The following AGXT2 variants were observed in gnomAD, a reference collection of about 807,000 sequenced individuals.
AGXT2 encodes the protein alanine--glyoxylate aminotransferase 2.
A neutral mutation model predicts 62.5 loss-of-function variants in AGXT2; 61 were observed. The observed-to-expected ratio is 0.98, with a 90% CI of 0.79 to 1.21. The LOEUF (loss-of-function observed/expected upper bound fraction) is 1.21, where lower values mean the gene tolerates loss of function less well. Among genes scored for constraint, AGXT2 ranks in the 50% most tolerant of loss-of-function variants. The pLI, the probability that AGXT2 is intolerant of heterozygous loss-of-function variation, is 0.00. For missense variants in AGXT2, 666 were observed against 641.5 expected (o/e 1.04, Z -0.41); for synonymous variants, 243 against 218.7 (o/e 1.11, Z -0.98).
intron 1 of AGXT2, among the ~76,000 whole-genome samples, chr5:35,043,268 C>T (rs1768055574): frequency 6.6e-6 from 1 of 152,004 alleles, no homozygotes; most frequent in Non-Finnish European, 1.5e-5. Context: ...GTTTTCAGCC[C>T]AGAGGGAGTA....
intron 12 of AGXT2, among the ~76,000 whole-genome samples, chr5:35,005,412 A>G (rs1766384791): frequency 6.6e-6 from 1 of 152,070 alleles, no homozygotes; most frequent in Non-Finnish European, 1.5e-5. Flanking sequence ...TATTTTTAGT[A>G]GAGATGGGGT....
intron 5 of AGXT2, 118 bp from the exon 6 acceptor site, chr5:35,033,671 G>A (rs1767661150): frequency 1.3e-6 from 1 of 767,016 alleles, no homozygotes; most frequent in African/African-American, 1.7e-5. Flanking sequence ...ATTCACCTCT[G>A]ATTTCTAAGA....
In AGXT2 at chr5:35,003,633, C is replaced by T. The variant is rs115698965; in HGVS notation, c.1437+130G>A. On this transcript the variant is annotated intron_variant, in intron 13 of 13. Coordinates refer to ENST00000231420, the MANE Select transcript of AGXT2 (RefSeq NM_031900.4). ...CTAGATGACATGTGGCTGGGTACCT[C>T]GGCACAGTTGTGTAAAAACTGCAAC... The T allele has an allele frequency of 4.8e-5, 43 of 896,090 alleles. No individual in the cohort carries two copies. The South Asian group carries it at 5.1e-4, about 11-fold the overall frequency. The allele number at this position is 896,090 out of a possible 1,614,324, so 55.5% of individuals were successfully genotyped here.
rs61052930 is a variant in AGXT2, at chr5:35,014,452, CA to C, written c.964-334del. 7.1e-3 allele frequency among the ~76,000 whole-genome samples: 609 copies of C among 86,214 alleles called. 7 individuals are homozygous for C. The East Asian group carries it at 0.081, about 11-fold the overall frequency. 56.6% of individuals were successfully genotyped at this position (86,214 alleles called of 152,430 possible). ...TGAGTGACAGGGTGAGACTCCATCT[CA>C]AAAAAAAAAAAAAAAAAAAGAAATG... is the stretch of plus-strand genomic sequence containing the variant. On this transcript the variant is annotated intron_variant, in intron 9 of 13. Coordinates refer to ENST00000231420, the MANE Select transcript of AGXT2 (RefSeq NM_031900.4).
At chr5:35,021,866 C>G (rs1315051772) in intron 9 of AGXT2, among the ~76,000 whole-genome samples, 1 of 152,092 alleles carries the variant, frequency 6.6e-6, no homozygotes, top group Non-Finnish European at 1.5e-5. Flanking sequence ...TGAACTCTAA[C>G]AAATTTACAA....
intron 11 of AGXT2, chr5:35,012,374 A>G (rs944204317): frequency 2.6e-5 from 4 of 154,390 alleles, no homozygotes; most frequent in Admixed American, 6.3e-5. Context: ...AAAAAAAACC[A>G]TCATTTACTT....
chr5:35,009,892 GTT>G lies in AGXT2; in HGVS notation c.1338+106_1338+107del. The G allele has an allele frequency of 2.0e-6, 3 of 1,476,216 alleles. No individual in the cohort carries two copies. The East Asian group carries it at 6.8e-5, about 33-fold the overall frequency. The allele number at this position is 1,476,216 out of a possible 1,614,324, so 91.4% of individuals were successfully genotyped here. ...TAAAGGGCTTTGCTGAAATCTTGCT[GTT>G]TGTGTCTGCTCTCTCCTTGAGAGTA... On this transcript the variant is annotated intron_variant, in intron 12 of 13. Transcript: ENST00000231420.
At chr5:35,001,494 G>A (rs1766223651) in intron 13 of AGXT2, among the ~76,000 whole-genome samples, 1 of 152,160 alleles carries the variant, frequency 6.6e-6, no homozygotes, top group Non-Finnish European at 1.5e-5. Context: ...TTGGATCCTG[G>A]TTCTGTCATT....
chr5:35,029,520 A>G (rs1484787130), intron 7 of AGXT2, among the ~76,000 whole-genome samples: 1 of 152,226 alleles, frequency 6.6e-6, no homozygotes, highest in Non-Finnish European at 1.5e-5. Context: ...ACCCTAGGTT[A>G]GGCCACTTCT....
At chr5:35,017,845 T>C (rs553920510) in intron 9 of AGXT2, among the ~76,000 whole-genome samples, 5 of 152,246 alleles carry the variant, frequency 3.3e-5, no homozygotes, top group South Asian at 2.1e-4. Flanking sequence ...GAAGAATGTA[T>C]ATCTAGAATA....
At chr5:35,020,630 A>C (rs2112224867) in intron 9 of AGXT2, among the ~76,000 whole-genome samples, 1 of 152,320 alleles carries the variant, frequency 6.6e-6, no homozygotes. Context: ...CTGAATGGGC[A>C]AAAACTGGAA....
chr5:35,030,982 T>C (rs1430054638), intron 7 of AGXT2, among the ~76,000 whole-genome samples: 1 of 152,182 alleles, frequency 6.6e-6, no homozygotes, highest in East Asian at 1.9e-4. Flanking sequence ...CTGTCTCTGT[T>C]TTACAAATGA....
chr5:35,046,178 T>A (rs542824429), intron 1 of AGXT2, among the ~76,000 whole-genome samples: 1 of 152,278 alleles, frequency 6.6e-6, no homozygotes, highest in South Asian at 2.1e-4. Context: ...ACCTGCCCTC[T>A]CTAGGTTACC....
intron 8 of AGXT2, 71 bp from the exon 9 acceptor site, chr5:35,025,926 A>G: frequency 9.0e-7 from 1 of 1,115,836 alleles, no homozygotes; most frequent in Non-Finnish European, 1.4e-6. Flanking sequence ...AAAAAGTTAG[A>G]TCATCATTAT....
chr5:35,020,151 G>A (rs1041302418), intron 9 of AGXT2, among the ~76,000 whole-genome samples: 2 of 152,184 alleles, frequency 1.3e-5, no homozygotes, highest in Non-Finnish European at 2.9e-5. Context: ...GGTACAAGGA[G>A]GAACTGGTAC....
At chr5:35,023,911 T>A (rs1338577654) in intron 9 of AGXT2, among the ~76,000 whole-genome samples, 1 of 145,058 alleles carries the variant, frequency 6.9e-6, no homozygotes, top group East Asian at 2.0e-4. Context: ...TTATTTATTT[T>A]GAGATGGAGT....
At chr5:35,000,541 C>T (rs1280743067) in intron 13 of AGXT2, among the ~76,000 whole-genome samples, 1 of 152,148 alleles carries the variant, frequency 6.6e-6, no homozygotes, top group Non-Finnish European at 1.5e-5. Context: ...CCACCACACT[C>T]AGCTAATTTT....
intron 9 of AGXT2, among the ~76,000 whole-genome samples, chr5:35,016,477 A>G (rs1209701000): frequency 6.6e-6 from 1 of 152,210 alleles, no homozygotes; most frequent in African/African-American, 2.4e-5. Context: ...AATTTATAAC[A>G]GTATTGTAAC....
intron 9 of AGXT2, among the ~76,000 whole-genome samples, chr5:35,020,986 GAATA>G (rs1277615537): frequency 1.3e-5 from 2 of 152,134 alleles, no homozygotes; most frequent in East Asian, 3.8e-4. Flanking sequence ...GCTTCAAAGA[GAATA>G]AAATACCTAG....
Sources: gnomAD v4.1 joint callset for allele counts (sites outside exome capture counted in the v4.1 genomes callset) on GRCh38, gnomAD v4.1.1 for gene constraint, MANE v1.5 for transcripts, NCBI Gene and HGNC (gene_info 2026-07-23, HGNC 2026-07-21) for gene names.